Variants in VPS51 observed in about 807,000 individuals in gnomAD.
The protein encoded by VPS51 is VPS51 subunit of GARP complex.
In VPS51, 55 loss-of-function variants were observed where a neutral mutation model predicts 65.1. The observed-to-expected ratio is 0.84, with a 90% CI of 0.68 to 1.06. The LOEUF (loss-of-function observed/expected upper bound fraction) is 1.06. Among genes scored for constraint, VPS51 ranks in the 50% least tolerant of loss-of-function variants. The pLI is 0.00. For synonymous variants in VPS51, 473 were observed against 489.5 expected (o/e 0.97, Z 0.44); for missense variants, 943 against 1,101.6 (o/e 0.86, Z 2.04).
At chr11:65,096,518 G>GGGGGGGGGGGGGGGGGCC in intron 1 of VPS51, 40 bp downstream of exon 1, 2 of 499,408 alleles carry the variant, frequency 4.0e-6, no homozygotes, top group Non-Finnish European at 7.3e-6. Flanking sequence ...GGGGAGGGGG[G>GGGGGGGGGGGGGGGGGCC]AAGGGAACCA....
chr11:65,108,400 G>C lies in VPS51; in HGVS notation c.929G>C (p.Gly310Ala), dbSNP rs751715254. ...GAGTTCACCGACCATGGAGGCAGTGGCTTCGTGGGCGGCCTCTGCCAGGTG... is the reference window on the plus strand; with the variant it reads ...GAGTTCACCGACCATGGAGGCAGTGCCTTCGTGGGCGGCCTCTGCCAGGTG... The part of the protein sequence containing the change: ...VLEFTDHGGS[G>A]FVGGLCQVAA... The change falls in exon 5 of 10, where the codon GGC (glycine) becomes GCC (alanine). Residue 310 changes from glycine (G) to alanine (A), a missense_variant. Around this residue, in one of 2 missense-constraint regions of VPS51, gnomAD observed 855 missense variants for 953.7 expected, o/e 0.90. Transcript: ENST00000279281. 5.0e-6 allele frequency: 8 copies of C among 1,612,056 alleles called. No individual in the cohort carries two copies. The East Asian group carries it at 1.6e-4, about 31-fold the overall frequency.
intron 6 of VPS51, 74 bp downstream of exon 6, chr11:65,109,569 G>T: frequency 1.3e-6 from 2 of 1,565,718 alleles, no homozygotes; most frequent in Non-Finnish European, 1.7e-6. Context: ...TGCCCTCATG[G>T]CCAGACCCCA....
At chr11:65,109,226 C>T (rs1462754847) in intron 5 of VPS51, 54 bp from the exon 6 acceptor site, 2 of 1,570,106 alleles carry the variant, frequency 1.3e-6, no homozygotes, top group East Asian at 2.3e-5. Context: ...GGGTCATTAA[C>T]AGCCTTACCT....
chr11:65,109,345 G>A lies in VPS51; in HGVS notation c.1509G>A (p.Gln503=). The A allele has an allele frequency of 6.2e-7, 1 of 1,613,624 alleles. No homozygotes were observed. Among genetic ancestry groups the A allele is most frequent in the Non-Finnish European group, 8.5e-7 (1 of 1,180,006 alleles). The change falls in exon 6 of 10, where the codon CAG becomes CAA. Residue 503 remains glutamine, a synonymous_variant. Transcript: ENST00000279281. The part of the protein sequence containing the change: ...LIVGFVHSMC[Q]TAQSFCDSPG... ...TGGGCTTCGTCCACTCTATGTGCCA[G>A]ACGGCTCAGAGCTTCTGCGACAGCC...
chr11:65,106,506 C>A (rs1279923505), intron 2 of VPS51, among the ~76,000 whole-genome samples: 1 of 152,190 alleles, frequency 6.6e-6, no homozygotes, highest in Non-Finnish European at 1.5e-5. Context: ...AATCCCAGCA[C>A]TTTGGGAGGC....
rs1265121769 is a variant in VPS51, at chr11:65,111,572, C to T, written c.2334C>T (p.Ile778=). Residue 778 remains isoleucine (I), a synonymous_variant, in exon 10 of 10, where the codon ATC becomes ATT. Coordinates refer to ENST00000279281, the MANE Select transcript of VPS51 (RefSeq NM_013265.4). Reference sequence around the variant, plus strand: ...TGGAGCCCAGTGTGGTTGAGGTCATCTGCGAGCGCGGCTAGGCGCAGCCGC... The same window carrying T: ...TGGAGCCCAGTGTGGTTGAGGTCATTTGCGAGCGCGGCTAGGCGCAGCCGC... ...VPMEPSVVEV[I]CERG is the part of the protein sequence containing the mutation. The T allele has an allele frequency of 1.2e-6, 2 of 1,607,698 alleles. No individual in the cohort carries two copies. Among genetic ancestry groups the T allele is most frequent in the South Asian group, 1.1e-5 (1 of 91,008 alleles).
At chr11:65,110,231 C>T (rs1460447417) in intron 7 of VPS51, 6 of 655,692 alleles carry the variant, frequency 9.2e-6, no homozygotes, top group South Asian at 1.9e-5. Flanking sequence ...CTCAGGGTTA[C>T]CCAGGAAGTC....
intron 2 of VPS51, among the ~76,000 whole-genome samples, chr11:65,106,946 C>T (rs141343494): frequency 1.2e-4 from 19 of 152,116 alleles, no homozygotes; most frequent in South Asian, 4.2e-4. Context: ...ATGGCATGGT[C>T]TTCCTAGAAG....
At chr11:65,099,433 A>T (rs772544089) in intron 2 of VPS51, among the ~76,000 whole-genome samples, 1 of 152,210 alleles carries the variant, frequency 6.6e-6, no homozygotes, top group South Asian at 2.1e-4. Context: ...TTATCCACAG[A>T]GAGCTAAAAC....
chr11:65,107,485 C>T lies in VPS51; in HGVS notation c.359-96C>T. On this transcript the variant is annotated intron_variant, in intron 2 of 9. Coordinates refer to ENST00000279281, the MANE Select transcript of VPS51 (RefSeq NM_013265.4). This position sits in a 1 kb window ranked among gnomAD's most constrained non-coding sequence, Gnocchi z 4.0. Reference sequence around the variant, plus strand: ...ATCATCCATGCGCCCCTGGAGCAAGCTGGGGCGTCTGTGAAGGGGTGGGTG... The same window carrying T: ...ATCATCCATGCGCCCCTGGAGCAAGTTGGGGCGTCTGTGAAGGGGTGGGTG... 2.7e-6 allele frequency: 4 copies of T among 1,472,716 alleles called. No homozygotes were observed. Among genetic ancestry groups the T allele is most frequent in the Non-Finnish European group, 3.7e-6 (4 of 1,093,092 alleles). The allele number at this position is 1,472,716 out of a possible 1,614,324, so 91.2% of individuals were successfully genotyped here.
chr11:65,096,688 A>T lies in VPS51; in HGVS notation c.228+210A>T, dbSNP rs965700317. ...CTGGACTGGCCTGAGGTGATGCGGC[A>T]TCTGAGGTCTTCTGGGCTGATGTGA... On this transcript the variant is annotated intron_variant, in intron 1 of 9. Transcript: ENST00000279281. The T allele has an allele frequency of 1.2e-4, 77 of 626,248 alleles. No individual in the cohort carries two copies. The African/African-American group carries it at 1.4e-3, about 11-fold the overall frequency. 38.8% of individuals were successfully genotyped at this position (626,248 alleles called of 1,614,324 possible).
At position 65,108,409 on chromosome 11, in the gene VPS51, G is replaced by A. The variant is rs557757524; in HGVS notation, c.938G>A (p.Gly313Asp). The A allele has an allele frequency of 8.7e-6, 14 of 1,612,046 alleles. No individual in the cohort carries two copies. In the East Asian group the frequency reaches 1.1e-4, roughly 13 times the overall value. Residue 313 changes from glycine to aspartate, a missense_variant, in exon 5 of 10, where the codon GGC (glycine) becomes GAC (aspartate). This residue lies in a region of VPS51 where 855 missense variants were observed against 953.7 expected (regional missense o/e 0.90). Coordinates refer to ENST00000279281, the MANE Select transcript of VPS51 (RefSeq NM_013265.4). ...FTDHGGSGFV[G>D]GLCQVAAAYQ... ...GACCATGGAGGCAGTGGCTTCGTGG[G>A]CGGCCTCTGCCAGGTGGCGGCGGCC... is the stretch of plus-strand genomic sequence containing the variant.
At chr11:65,110,184 C>T in intron 7 of VPS51, 1 of 621,022 alleles carries the variant, frequency 1.6e-6, no homozygotes, top group Non-Finnish European at 2.8e-6. Context: ...AGGATTATGA[C>T]ATCTTCGCCC....
intron 2 of VPS51, among the ~76,000 whole-genome samples, chr11:65,102,462 C>G (rs1947815819): frequency 6.6e-6 from 1 of 152,220 alleles, no homozygotes; most frequent in South Asian, 2.1e-4. Flanking sequence ...TGACAGCACA[C>G]AGCACTGTTG....
At chr11:65,108,063 C>A (rs1299440321) in intron 4 of VPS51, 41 bp downstream of exon 4, 1 of 1,488,938 alleles carries the variant, frequency 6.7e-7, no homozygotes, top group Admixed American at 2.2e-5. Context: ...CCCGCCAGCC[C>A]CGAGCCCCAT....
In VPS51 at chr11:65,111,090, C is replaced by T. The variant is rs1187618043; in HGVS notation, c.2089-237C>T. 1.5e-5 allele frequency: 11 copies of T among 747,330 alleles called. No homozygotes were observed. The African/African-American group carries it at 1.7e-4, about 12-fold the overall frequency. The allele number at this position is 747,330 out of a possible 1,614,324, so 46.3% of individuals were successfully genotyped here. Reference sequence around the variant, plus strand: ...CCAGGGTTTTCTGTTCACCCATGGTCCCTGCCCCGCCTCACTCCAAGCTCA... The same window carrying T: ...CCAGGGTTTTCTGTTCACCCATGGTTCCTGCCCCGCCTCACTCCAAGCTCA... On this transcript the variant is annotated intron_variant, in intron 9 of 9. Transcript: ENST00000279281.
intron 9 of VPS51, chr11:65,111,067 A>G: frequency 1.4e-6 from 1 of 709,374 alleles, no homozygotes; most frequent in South Asian, 1.6e-5. Context: ...GGTCCTCCCC[A>G]GGGTTTTCTG....
chr11:65,110,391 T>C (rs1947885199), intron 7 of VPS51, 91 bp from the exon 8 acceptor site: 18 of 1,599,048 alleles, frequency 1.1e-5, no homozygotes, highest in African/African-American at 2.7e-5. Context: ...CTTGTGATGC[T>C]TGAGTAGCTG....
At chr11:65,103,392 A>G (rs1035218496) in intron 2 of VPS51, among the ~76,000 whole-genome samples, 2 of 152,222 alleles carry the variant, frequency 1.3e-5, no homozygotes, top group Non-Finnish European at 2.9e-5. Flanking sequence ...TAAGAGGGCT[A>G]AATGATCCTT....
Sources: allele counts gnomAD v4.1 joint callset (sites outside exome capture counted in the v4.1 genomes callset), GRCh38; gene constraint gnomAD v4.1.1; regional missense constraint gnomAD v4.1.1; non-coding constraint Gnocchi (gnomAD v3.1); transcripts MANE v1.5; gene names NCBI Gene and HGNC (gene_info 2026-07-23, HGNC 2026-07-21).